The following PTPRN2 variants were observed in gnomAD, a reference collection of about 807,000 sequenced individuals.
The protein encoded by PTPRN2 is protein tyrosine phosphatase receptor type N2.
A neutral mutation model predicts 118.8 loss-of-function variants in PTPRN2; 74 were observed. That is an observed-to-expected ratio of 0.62 (90% CI 0.52 to 0.76). The LOEUF (loss-of-function observed/expected upper bound fraction) is 0.76. PTPRN2 is among the 30% of genes least tolerant of loss of function. The probability of loss-of-function intolerance (pLI) is 0.00; values close to 1 mark genes in which losing one functional copy is unlikely to be tolerated. For synonymous variants in PTPRN2, 641 were observed against 608.0 expected (o/e 1.05, Z -0.80); for missense variants, 1,481 against 1,394.4 (o/e 1.06, Z -0.99).
At chr7:157,751,149 C>T (rs947155445) in intron 12 of PTPRN2, among the ~76,000 whole-genome samples, 1 of 152,180 alleles carries the variant, frequency 6.6e-6, no homozygotes, top group Non-Finnish European at 1.5e-5. Flanking sequence ...CCTGCAGCCG[C>T]AGGACCAAGG....
At chr7:158,531,063 T>C (rs1825195100) in intron 1 of PTPRN2, among the ~76,000 whole-genome samples, 1 of 152,048 alleles carries the variant, frequency 6.6e-6, no homozygotes, top group Non-Finnish European at 1.5e-5. Flanking sequence ...GGTGAGCATG[T>C]GCACACAAAC....
Position 158,462,697 on chromosome 7 carries a change from C to T in PTPRN2, c.163+27038G>A, listed in dbSNP as rs140635907. Among the ~76,000 whole-genome samples, 437 of 152,234 alleles carry T rather than the reference C, an allele frequency of 2.9e-3. 3 individuals carry two copies. Among genetic ancestry groups the T allele is most frequent in the African/African-American group, 9.9e-3 (410 of 41,530 alleles). The stretch of plus-strand genomic sequence containing the variant: ...GCTGCCTCAGGCCCTGTGTTTCTCA[C>T]GTAAAACCTGTGCTGATGACAGGTT... On this transcript the variant is annotated intron_variant, in intron 2 of 22. Transcript: ENST00000389418.
chr7:157,834,964 G>T (rs1228416010), intron 12 of PTPRN2, among the ~76,000 whole-genome samples: 1 of 152,224 alleles, frequency 6.6e-6, no homozygotes, highest in Non-Finnish European at 1.5e-5. Flanking sequence ...AATGCATGTA[G>T]CCTGCTGTGG....
chr7:158,558,526 C>T (rs1173744331), intron 1 of PTPRN2, among the ~76,000 whole-genome samples: 1 of 152,068 alleles, frequency 6.6e-6, no homozygotes, highest in Non-Finnish European at 1.5e-5. Flanking sequence ...AGGCCTGGCA[C>T]CTGCAGAGCC....
chr7:158,065,523 C>T (rs1810702413), intron 11 of PTPRN2, among the ~76,000 whole-genome samples: 1 of 152,224 alleles, frequency 6.6e-6, no homozygotes, highest in African/African-American at 2.4e-5. Flanking sequence ...GGGCCCTGGG[C>T]TAACGGGCTG....
intron 15 of PTPRN2, among the ~76,000 whole-genome samples, chr7:157,607,666 A>AG (rs973760162): frequency 2.6e-5 from 4 of 152,202 alleles, no homozygotes; most frequent in African/African-American, 9.6e-5. Context: ...TCCTCAGCTG[A>AG]GGGGTCCCTG....
At chr7:158,173,874 C>T (rs1823941448) in intron 5 of PTPRN2, among the ~76,000 whole-genome samples, 2 of 152,188 alleles carry the variant, frequency 1.3e-5, no homozygotes, top group African/African-American at 4.8e-5. Flanking sequence ...GCAGTCAGAC[C>T]TTAATGTTAT....
rs1456554591 is a variant in PTPRN2 at position 157,813,728 on chromosome 7, C to G, written c.1788+84945G>C. Among the ~76,000 whole-genome samples, 1 of 152,228 alleles carries G rather than the reference C, an allele frequency of 6.6e-6. No homozygotes were observed. The highest frequency in any genetic ancestry group is 2.4e-5 in the African/African-American group (1 of 41,470). On this transcript the variant is annotated intron_variant, in intron 12 of 22. Coordinates refer to ENST00000389418, the MANE Select transcript of PTPRN2 (RefSeq NM_002847.5). This position sits in a 1 kb window ranked among gnomAD's most constrained non-coding sequence, Gnocchi z 4.7. ...TTTTAATTAGCAGCTGCCCCGAGTGCTCCAGCTGCCCTGCGTGTGGCTGTC... is the reference window on the plus strand; with the variant it reads ...TTTTAATTAGCAGCTGCCCCGAGTGGTCCAGCTGCCCTGCGTGTGGCTGTC...
chr7:158,549,047 C>G (rs983858424), intron 1 of PTPRN2, among the ~76,000 whole-genome samples: 3 of 152,184 alleles, frequency 2.0e-5, no homozygotes, highest in Non-Finnish European at 4.4e-5. Context: ...AGTGCCACCC[C>G]AGGGGGGCCG....
At chr7:158,144,352 C>CGCGGT in intron 6 of PTPRN2, among the ~76,000 whole-genome samples, 1 of 152,228 alleles carries the variant, frequency 6.6e-6, no homozygotes, top group African/African-American at 2.4e-5. Context: ...AGAAAGCAGA[C>CGCGGT]ATCAGCCGGA....
intron 2 of PTPRN2, among the ~76,000 whole-genome samples, chr7:158,325,575 T>A (rs1253171219): frequency 2.0e-5 from 3 of 152,228 alleles, no homozygotes; most frequent in African/African-American, 7.2e-5. Flanking sequence ...CTGATTTATC[T>A]CAGCTGCCTG....
At chr7:157,750,040 T>C (rs1236226282) in intron 12 of PTPRN2, among the ~76,000 whole-genome samples, 1 of 151,906 alleles carries the variant, frequency 6.6e-6, no homozygotes, top group African/African-American at 2.4e-5. Flanking sequence ...GGCCTGCTTC[T>C]CTGTGCTGTG....
intron 2 of PTPRN2, among the ~76,000 whole-genome samples, chr7:158,378,005 T>A (rs1810680638): frequency 6.6e-6 from 1 of 152,120 alleles, no homozygotes. Flanking sequence ...GTTTTCTGGG[T>A]GTAACACAGC....
intron 11 of PTPRN2, among the ~76,000 whole-genome samples, chr7:158,063,930 A>G (rs1406705455): frequency 1.3e-5 from 2 of 152,210 alleles, no homozygotes; most frequent in African/African-American, 4.8e-5. Flanking sequence ...ACACATATGT[A>G]TGTGCTCAGA....
At chr7:158,255,130 C>G (rs1223703459) in intron 3 of PTPRN2, among the ~76,000 whole-genome samples, 1 of 152,182 alleles carries the variant, frequency 6.6e-6, no homozygotes, top group African/African-American at 2.4e-5. Context: ...CGCAGAAGCC[C>G]CTGCAGGCTT....
chr7:157,965,380 G>A (rs1044835763), intron 11 of PTPRN2, among the ~76,000 whole-genome samples: 7 of 152,236 alleles, frequency 4.6e-5, no homozygotes, highest in Admixed American at 6.5e-5. Flanking sequence ...TCCTGGCTTG[G>A]ACTGGACAGA....
intron 4 of PTPRN2, among the ~76,000 whole-genome samples, chr7:158,194,907 G>C (rs1176406395): frequency 9.3e-6 from 1 of 107,352 alleles, no homozygotes; most frequent in Non-Finnish European, 1.7e-5. Context: ...CTCCAGCTCT[G>C]ATGCGGTGTT....
At chr7:158,112,824 T>G (rs1443010299) in intron 9 of PTPRN2, among the ~76,000 whole-genome samples, 1 of 151,404 alleles carries the variant, frequency 6.6e-6, no homozygotes, top group Non-Finnish European at 1.5e-5. Context: ...TGAGGGGCGA[T>G]GTGCCTGTGA....
chr7:158,248,932 C>G (rs563893490), intron 3 of PTPRN2, among the ~76,000 whole-genome samples: 1 of 149,992 alleles, frequency 6.7e-6, no homozygotes, highest in South Asian at 2.1e-4. Flanking sequence ...TGCACACATG[C>G]CACACACATG....
Sources: allele counts gnomAD v4.1 joint callset (sites outside exome capture counted in the v4.1 genomes callset), GRCh38; gene constraint gnomAD v4.1.1; non-coding constraint Gnocchi (gnomAD v3.1); transcripts MANE v1.5; gene names NCBI Gene and HGNC (gene_info 2026-07-23, HGNC 2026-07-21).